UBE2QL1: variants seen among roughly 807,000 people sequenced by gnomAD.
The protein encoded by UBE2QL1 is ubiquitin conjugating enzyme E2 QL1, also known as ubiquitin-conjugating enzyme E2Q-like protein 1.
UBE2QL1 carries 5 observed loss-of-function variants against 12.6 expected under a neutral mutation model. That is an observed-to-expected ratio of 0.40 (90% CI 0.21 to 0.83). UBE2QL1 has a LOEUF of 0.83. UBE2QL1 is among the 40% of genes least tolerant of loss of function. The probability of loss-of-function intolerance (pLI) is 0.37; values close to 1 mark genes in which losing one functional copy is unlikely to be tolerated. For missense variants in UBE2QL1, 99 were observed against 222.6 expected, an observed-to-expected ratio of 0.44 and a Z score of 3.53; for synonymous variants, 96 against 94.5, an observed-to-expected ratio of 1.02 and a Z score of -0.10.
Position 6,479,554 on chromosome 5 carries a change from G to A in UBE2QL1, c.355-11664G>A, listed in dbSNP as rs909662176. 3.3e-5 allele frequency among the ~76,000 whole-genome samples: 5 copies of A among 152,136 alleles called. No individual in the cohort carries two copies. The highest frequency in any genetic ancestry group is 2.1e-4 in the South Asian group (1 of 4,826). On this transcript the variant is annotated intron_variant, in intron 1 of 1. Coordinates refer to ENST00000399816, the MANE Select transcript of UBE2QL1 (RefSeq NM_001145161.3). This position sits in a 1 kb window ranked among gnomAD's most constrained non-coding sequence, Gnocchi z 4.2. ...AGAGGTGCTGATGTCTGTATCCTCC[G>A]GTGAGTCTGTCCATCATAAAAAGGG...
chr5:6,485,324 C>T (rs1469902955), intron 1 of UBE2QL1, among the ~76,000 whole-genome samples: 1 of 152,160 alleles, frequency 6.6e-6, no homozygotes, highest in African/African-American at 2.4e-5. Context: ...TTAGAAGAGT[C>T]TGATCTGTTG....
In UBE2QL1 at chr5:6,495,704, T is replaced by C. The variant is rs1158419661; in HGVS notation, c.*4355T>C. Among the ~76,000 whole-genome samples, 2 of 152,324 alleles carry C rather than the reference T, an allele frequency of 1.3e-5. No individual in the cohort carries two copies. The highest frequency in any genetic ancestry group is 3.9e-4 in the East Asian group (2 of 5,182). On this transcript the variant is annotated 3_prime_UTR_variant, in exon 2 of 2. Coordinates refer to ENST00000399816, the MANE Select transcript of UBE2QL1 (RefSeq NM_001145161.3). Reference sequence around the variant, plus strand: ...AGGGCAGAAATTCCCTCCAACTGTTTTGGGAAGCTTCTGTAAGGGGCTTGG... The same window carrying C: ...AGGGCAGAAATTCCCTCCAACTGTTCTGGGAAGCTTCTGTAAGGGGCTTGG...
chr5:6,458,694 A>G (rs1010455424), intron 1 of UBE2QL1, among the ~76,000 whole-genome samples: 14 of 152,176 alleles, frequency 9.2e-5, no homozygotes, highest in Non-Finnish European at 1.8e-4. Context: ...GTCCCTCATG[A>G]TTAGTGACAT....
intron 1 of UBE2QL1, among the ~76,000 whole-genome samples, chr5:6,457,377 G>A (rs1360509915): frequency 6.6e-6 from 1 of 152,110 alleles, no homozygotes; most frequent in Non-Finnish European, 1.5e-5. Flanking sequence ...AGAGGAGGAA[G>A]CTCGGCATTG....
At chr5:6,470,831 G>C (rs1579294825) in intron 1 of UBE2QL1, among the ~76,000 whole-genome samples, 1 of 152,256 alleles carries the variant, frequency 6.6e-6, no homozygotes, top group Middle Eastern at 3.4e-3. Flanking sequence ...CCAGAAGTGG[G>C]GTACTGGATC....
At chr5:6,483,257 GA>G (rs1362014773) in intron 1 of UBE2QL1, among the ~76,000 whole-genome samples, 2 of 152,054 alleles carry the variant, frequency 1.3e-5, no homozygotes, top group Non-Finnish European at 2.9e-5. Context: ...CCAACATGGT[GA>G]AACCCCGTCT....
At position 6,495,840 on chromosome 5, in the gene UBE2QL1, A is replaced by C. The variant is rs776393474; in HGVS notation, c.*4491A>C. Among the ~76,000 whole-genome samples, 67 of 152,250 alleles carry C rather than the reference A, an allele frequency of 4.4e-4. No individual in the cohort carries two copies. The highest frequency in any genetic ancestry group is 9.0e-4 in the Non-Finnish European group (61 of 68,032). On this transcript the variant is annotated 3_prime_UTR_variant, in exon 2 of 2. Coordinates refer to ENST00000399816, the MANE Select transcript of UBE2QL1 (RefSeq NM_001145161.3). ...TCTGCTAGGTTCTACTTATCCTTCT[A>C]ATTTTTGCAGCCTCTAGTTCCCATA... is the stretch of plus-strand genomic sequence containing the variant.
chr5:6,490,569 T>C (rs1419265891), intron 1 of UBE2QL1, among the ~76,000 whole-genome samples: 1 of 152,228 alleles, frequency 6.6e-6, no homozygotes. Context: ...CTCTTGGACC[T>C]CGAGGATGGG....
intron 1 of UBE2QL1, among the ~76,000 whole-genome samples, chr5:6,450,103 C>T: frequency 8.8e-6 from 1 of 113,004 alleles, no homozygotes; most frequent in African/African-American, 3.1e-5. Flanking sequence ...CCCCCCACGG[C>T]AATGCCTGTT....
rs193005405 is a variant in UBE2QL1 at position 6,454,527 on chromosome 5, G to A, written c.354+5280G>A. ...TCACCATGTACCTTGGTGAAGGGAG[G>A]AGAAACAATTCAGCCCATAACACAA... is the stretch of plus-strand genomic sequence containing the variant. On this transcript the variant is annotated intron_variant, in intron 1 of 1. Coordinates refer to ENST00000399816, the MANE Select transcript of UBE2QL1 (RefSeq NM_001145161.3). Among the ~76,000 whole-genome samples the A allele has an allele frequency of 1.2e-3, 187 of 152,278 alleles. 3 individuals are homozygous for A. The highest frequency in any genetic ancestry group is 9.6e-3 in the Admixed American group (147 of 15,292).
intron 1 of UBE2QL1, among the ~76,000 whole-genome samples, chr5:6,455,112 G>A (rs1739492434): frequency 6.6e-6 from 1 of 152,108 alleles, no homozygotes; most frequent in East Asian, 1.9e-4. Context: ...GTGTATTTTT[G>A]TATACTTTTC....
chr5:6,454,636 G>A (rs1033643039), intron 1 of UBE2QL1, among the ~76,000 whole-genome samples: 4 of 152,178 alleles, frequency 2.6e-5, no homozygotes, highest in African/African-American at 9.7e-5. Context: ...GAAGCCACAC[G>A]GAGGGAGGCA....
intron 1 of UBE2QL1, among the ~76,000 whole-genome samples, chr5:6,473,435 T>A (rs1442072635): frequency 6.6e-6 from 1 of 152,180 alleles, no homozygotes; most frequent in African/African-American, 2.4e-5. Flanking sequence ...CATGTCAGCA[T>A]CAGCGCCCGA....
chr5:6,455,876 C>G (rs1739509858), intron 1 of UBE2QL1, among the ~76,000 whole-genome samples: 1 of 152,184 alleles, frequency 6.6e-6, no homozygotes. Flanking sequence ...TCAGCGCCTT[C>G]AAAGCCCGAC....
rs570425137 is a variant in UBE2QL1, at chr5:6,496,472, G to A, written c.*5123G>A. Among the ~76,000 whole-genome samples the A allele has an allele frequency of 4.6e-5, 7 of 152,224 alleles. No homozygotes were observed. The highest frequency in any genetic ancestry group is 1.2e-4 in the African/African-American group (5 of 41,540). On this transcript the variant is annotated 3_prime_UTR_variant, in exon 2 of 2. Coordinates refer to ENST00000399816, the MANE Select transcript of UBE2QL1 (RefSeq NM_001145161.3). ...TGATCTGTACACCATGAGTGACTGC[G>A]AACTTTCAGACTCTCACCGCAATTC...
chr5:6,449,744 A>C, intron 1 of UBE2QL1, among the ~76,000 whole-genome samples: 1 of 134,456 alleles, frequency 7.4e-6, no homozygotes, highest in African/African-American at 2.9e-5. Flanking sequence ...CCTCCGTCTC[A>C]CCTTTTCTCG....
chr5:6,464,562 A>G (rs1341408847), intron 1 of UBE2QL1, among the ~76,000 whole-genome samples: 2 of 152,110 alleles, frequency 1.3e-5, no homozygotes, highest in Non-Finnish European at 2.9e-5. Context: ...TAATTAGAGG[A>G]ACTTGAACAG....
rs1734277171 is a variant in UBE2QL1 at position 6,478,104 on chromosome 5, T to C, written c.355-13114T>C. ...AGAGTCTTATTATTGCTGTGCTTTA[T>C]TGCAAAAACAGACTATTTGAGAAAG... On this transcript the variant is annotated intron_variant, in intron 1 of 1. Coordinates refer to ENST00000399816, the MANE Select transcript of UBE2QL1 (RefSeq NM_001145161.3). The surrounding 1 kb of genome is among the most constrained non-coding windows in gnomAD (Gnocchi z 4.5). Among the ~76,000 whole-genome samples, 1 of 152,238 alleles carries C rather than the reference T, an allele frequency of 6.6e-6. No individual in the cohort carries two copies. Among genetic ancestry groups the C allele is most frequent in the Admixed American group, 6.5e-5 (1 of 15,282 alleles).
chr5:6,471,830 G>A (rs1203437320), intron 1 of UBE2QL1, among the ~76,000 whole-genome samples: 1 of 152,178 alleles, frequency 6.6e-6, no homozygotes, highest in Non-Finnish European at 1.5e-5. Context: ...AGTTATGGAT[G>A]TATATATAAA....
Sources: gnomAD v4.1 joint callset for allele counts (sites outside exome capture counted in the v4.1 genomes callset) on GRCh38, gnomAD v4.1.1 for gene constraint, Gnocchi (gnomAD v3.1) non-coding constraint, MANE v1.5 for transcripts, NCBI Gene and HGNC (gene_info 2026-07-23, HGNC 2026-07-21) for gene names.